The following OSBPL5 variants were observed in gnomAD, a reference collection of about 807,000 sequenced individuals.
OSBPL5 encodes the protein oxysterol binding protein like 5.
Under a neutral mutation model 111.2 loss-of-function variants are expected in OSBPL5, and 71 were observed. That is an observed-to-expected ratio of 0.64 (90% confidence interval 0.53 to 0.78). The LOEUF (loss-of-function observed/expected upper bound fraction) is 0.78. Among genes scored for constraint, OSBPL5 ranks in the 30% least tolerant of loss-of-function variants. OSBPL5 has a pLI of 0.00. For synonymous variants in OSBPL5, 549 were observed against 513.9 expected (o/e 1.07, Z -0.93); for missense variants, 1,210 against 1,189.3 (o/e 1.02, Z -0.26).
At chr11:3,131,856 A>ACCATCCATCCATCCTCCTGT (rs58749026) in intron 1 of OSBPL5, among the ~76,000 whole-genome samples, 18,747 of 41,202 alleles carry the variant, frequency 0.46, 4,505 homozygotes, top group African/African-American at 0.66. Context: ...CACCCACCAA[A>ACCATCCATCCATCCTCCTGT]CCATCCATCC....
intron 17 of OSBPL5, 127 bp downstream of exon 17, chr11:3,093,400 A>C (rs1857133005): frequency 3.6e-6 from 5 of 1,408,110 alleles, no homozygotes; most frequent in Non-Finnish European, 4.8e-6. Flanking sequence ...CCAGGGGTGC[A>C]CCAGGCCTGC....
chr11:3,142,285 G>A lies in OSBPL5; in HGVS notation c.-21-13116C>T, dbSNP rs919986523. Among the ~76,000 whole-genome samples, 5 of 152,224 alleles carry A rather than the reference G, an allele frequency of 3.3e-5. No homozygotes were observed. Among genetic ancestry groups the A allele is most frequent in the African/African-American group, 1.2e-4 (5 of 41,454 alleles). On this transcript the variant is annotated intron_variant, in intron 1 of 21. Coordinates refer to ENST00000263650, the MANE Select transcript of OSBPL5 (RefSeq NM_020896.4). The surrounding 1 kb of genome is among the most constrained non-coding windows in gnomAD (Gnocchi z 7.1). ...CAGGGCCACACGGCAGGTTGGTGCAGGAGGTGCTGGGCCCTGGTGCCACCC... is the reference window on the plus strand; with the variant it reads ...CAGGGCCACACGGCAGGTTGGTGCAAGAGGTGCTGGGCCCTGGTGCCACCC...
intron 7 of OSBPL5, among the ~76,000 whole-genome samples, chr11:3,111,625 G>C (rs1164207073): frequency 6.6e-6 from 1 of 151,958 alleles, no homozygotes; most frequent in Non-Finnish European, 1.5e-5. Context: ...AAATCTGAAG[G>C]AAGTTCCAAA....
chr11:3,094,501 G>A (rs1490272245), intron 14 of OSBPL5, 167 bp from the exon 15 acceptor site: 1 of 603,034 alleles, frequency 1.7e-6, no homozygotes, highest in African/African-American at 1.9e-5. Flanking sequence ...AGGAGGCGCT[G>A]GGAGCAGAAC....
chr11:3,097,063 G>A (rs1857291885), intron 14 of OSBPL5, among the ~76,000 whole-genome samples: 2 of 41,794 alleles, frequency 4.8e-5, no homozygotes, highest in Non-Finnish European at 9.6e-5. Context: ...GGAGAGGAAA[G>A]GGGGAAGATG....
intron 10 of OSBPL5, among the ~76,000 whole-genome samples, chr11:3,103,792 C>CAGCCTG: frequency 1.7e-5 from 1 of 59,444 alleles, no homozygotes; most frequent in Non-Finnish European, 4.3e-5. Context: ...CAGTCCCTTC[C>CAGCCTG]TGCCTCTGCA....
rs952473713 is a variant in OSBPL5, at chr11:3,113,249, T to C, written c.692-5304A>G. Among the ~76,000 whole-genome samples, 41 of 152,354 alleles carry C rather than the reference T, an allele frequency of 2.7e-4. No individual in the cohort carries two copies. Among genetic ancestry groups the C allele is most frequent in the African/African-American group, 9.6e-4 (40 of 41,588 alleles). ...AGAAATGTCTTAAGAATTGCCAGCA[T>C]ATATTTTTGTTTGCATTTATTAATC... On this transcript the variant is annotated intron_variant, in intron 7 of 21. Coordinates refer to ENST00000263650, the MANE Select transcript of OSBPL5 (RefSeq NM_020896.4). This position sits in a 1 kb window ranked among gnomAD's most constrained non-coding sequence, Gnocchi z 4.8.
intron 7 of OSBPL5, among the ~76,000 whole-genome samples, chr11:3,116,352 G>A (rs2100088): frequency 0.53 from 81,217 of 151,974 alleles, 22,776 homozygotes; most frequent in African/African-American, 0.71. Context: ...TCATCCACAA[G>A]CAATCATTGT....
At chr11:3,148,225 G>A (rs1243717682) in intron 1 of OSBPL5, among the ~76,000 whole-genome samples, 1 of 152,220 alleles carries the variant, frequency 6.6e-6, no homozygotes, top group African/African-American at 2.4e-5. Context: ...TTGTCTTTTG[G>A]GAAGGTGGGC....
intron 1 of OSBPL5, among the ~76,000 whole-genome samples, chr11:3,134,443 T>A (rs1219033347): frequency 6.6e-6 from 1 of 151,956 alleles, no homozygotes; most frequent in Non-Finnish European, 1.5e-5. Flanking sequence ...GGGCCACTCT[T>A]CCTAGTCCAG....
At position 3,113,381 on chromosome 11, in the gene OSBPL5, T is replaced by C. The variant is rs1181923579; in HGVS notation, c.692-5436A>G. On this transcript the variant is annotated intron_variant, in intron 7 of 21. Coordinates refer to ENST00000263650, the MANE Select transcript of OSBPL5 (RefSeq NM_020896.4). This position sits in a 1 kb window ranked among gnomAD's most constrained non-coding sequence, Gnocchi z 4.8. ...CAAGACAGAATGATCTTTGCTTGTGTAATCTTTAATAATGCCTGTAATCTC... is the reference window on the plus strand; with the variant it reads ...CAAGACAGAATGATCTTTGCTTGTGCAATCTTTAATAATGCCTGTAATCTC... Among the ~76,000 whole-genome samples, 1 of 152,154 alleles carries C rather than the reference T, an allele frequency of 6.6e-6. No individual in the cohort carries two copies. Among genetic ancestry groups the C allele is most frequent in the African/African-American group, 2.4e-5 (1 of 41,444 alleles).
intron 1 of OSBPL5, among the ~76,000 whole-genome samples, chr11:3,134,401 C>T (rs1845895404): frequency 6.6e-6 from 1 of 152,140 alleles, no homozygotes. Context: ...AGGTTTTGTT[C>T]AGCTGTTGGG....
chr11:3,089,722 G>T, intron 21 of OSBPL5, 124 bp downstream of exon 21: 2 of 832,874 alleles, frequency 2.4e-6, no homozygotes, highest in Non-Finnish European at 3.9e-6. Context: ...AGGTCTTGTG[G>T]GTTCCAGCTC....
At chr11:3,114,573 G>T (rs982800071) in intron 7 of OSBPL5, among the ~76,000 whole-genome samples, 1 of 129,402 alleles carries the variant, frequency 7.7e-6, no homozygotes, top group South Asian at 2.5e-4. Flanking sequence ...ATAGACTAAA[G>T]AATTGGTTAG....
intron 3 of OSBPL5, among the ~76,000 whole-genome samples, chr11:3,124,678 A>G (rs906868875): frequency 6.6e-6 from 1 of 152,168 alleles, no homozygotes; most frequent in East Asian, 1.9e-4. Context: ...GACTTTTGCA[A>G]TACAACCACG....
chr11:3,136,451 C>T (rs1425347795), intron 1 of OSBPL5, among the ~76,000 whole-genome samples: 4 of 152,278 alleles, frequency 2.6e-5, no homozygotes, highest in Admixed American at 2.6e-4. Context: ...AAGGCTGAAG[C>T]TCTGAGAAGG....
rs143316664 is a variant in OSBPL5, at chr11:3,118,570, A to ATTTT, written c.691+973_691+976dup. ...GGCCTCAACCTTGGCAAAATAAACT[A>ATTTT]TTTTTTTTTTTTTTTTTTTGAGATG... On this transcript the variant is annotated intron_variant, in intron 7 of 21. Transcript: ENST00000263650. Among the ~76,000 whole-genome samples, 17 of 124,162 alleles carry ATTTT rather than the reference A, an allele frequency of 1.4e-4. 1 individual carries two copies. Among genetic ancestry groups the ATTTT allele is most frequent in the African/African-American group, 4.6e-4 (15 of 32,414 alleles). 81.5% of individuals were successfully genotyped at this position (124,162 alleles called of 152,430 possible).
chr11:3,139,872 G>T (rs148525531), intron 1 of OSBPL5, among the ~76,000 whole-genome samples: 3 of 152,354 alleles, frequency 2.0e-5, no homozygotes, highest in Non-Finnish European at 4.4e-5. Context: ...GCGTTTACTC[G>T]CAGAGGCTGA....
rs754016680 is a variant in OSBPL5 at position 3,130,892 on chromosome 11, G to A, written c.-21-1723C>T. Reference sequence around the variant, plus strand: ...TCAGGATGGGAACCAGCAGCTGAGCGGAGGCCGGGCTTACTCAGACAGCTG... The same window carrying A: ...TCAGGATGGGAACCAGCAGCTGAGCAGAGGCCGGGCTTACTCAGACAGCTG... On this transcript the variant is annotated intron_variant, in intron 1 of 21. Coordinates refer to ENST00000263650, the MANE Select transcript of OSBPL5 (RefSeq NM_020896.4). This position sits in a 1 kb window ranked among gnomAD's most constrained non-coding sequence, Gnocchi z 4.5. 6.6e-6 allele frequency among the ~76,000 whole-genome samples: 1 copy of A among 152,084 alleles called. No homozygotes were observed. The highest frequency in any genetic ancestry group is 1.5e-5 in the Non-Finnish European group (1 of 67,994).
Sources: gnomAD v4.1 joint callset for allele counts (sites outside exome capture counted in the v4.1 genomes callset) on GRCh38, gnomAD v4.1.1 for gene constraint, Gnocchi (gnomAD v3.1) non-coding constraint, MANE v1.5 for transcripts, NCBI Gene and HGNC (gene_info 2026-07-23, HGNC 2026-07-21) for gene names.